The following CEP250 variants were observed in gnomAD, a reference collection of about 807,000 sequenced individuals.
The protein encoded by CEP250 is centrosomal protein 250.
CEP250 carries 242 observed loss-of-function variants against 315.7 expected under a neutral mutation model. The observed-to-expected ratio is 0.77, with a 90% CI of 0.69 to 0.85. CEP250 has a LOEUF of 0.85. CEP250 is among the 40% of genes least tolerant of loss of function. The pLI, the probability that CEP250 is intolerant of heterozygous loss-of-function variation, is 0.00. For missense variants in CEP250, 2,515 were observed against 2,886.4 expected (o/e 0.87, Z 2.95); for synonymous variants, 1,088 against 1,175.0 (o/e 0.93, Z 1.51).
chr20:35,473,893 C>G lies in CEP250; in HGVS notation c.1412C>G (p.Ala471Gly), dbSNP rs199644814. 1.7e-4 allele frequency: 280 copies of G among 1,612,916 alleles called. No homozygotes were observed. Among genetic ancestry groups the G allele is most frequent in the Non-Finnish European group, 2.3e-4 (268 of 1,179,634 alleles). ...LSKERELLQK[A>G]REELRQQLEV... The stretch of plus-strand genomic sequence containing the variant: ...AGGGAGCGAGAGCTGCTGCAGAAGG[C>G]CAGGGAAGAGCTGCGGCAGCAGCTG... The change falls in exon 14 of 35, where the codon GCC becomes GGC. Residue 471 changes from alanine to glycine, a missense_variant. By Grantham distance (60) the Ala-to-Gly change is moderately conservative. Transcript: ENST00000397527.
rs2064449370 is a variant in CEP250 at position 35,517,870 on chromosome 20, C to T, written c.*6244C>T. On this transcript the variant is annotated 3_prime_UTR_variant, in exon 35 of 35. Transcript: ENST00000397527. ...ATTGCTTGGGCTCAGGAATTCAAGACCATCCTAAGCGAAAAAATATAAAAA... is the reference window on the plus strand; with the variant it reads ...ATTGCTTGGGCTCAGGAATTCAAGATCATCCTAAGCGAAAAAATATAAAAA... 1 of 151,240 alleles carries T rather than the reference C, an allele frequency of 6.6e-6. No homozygotes were observed. The highest frequency in any genetic ancestry group is 1.5e-5 in the Non-Finnish European group (1 of 67,878). The allele number at this position is 151,240 out of a possible 1,614,324, so 9.4% of individuals were successfully genotyped here. A position where few individuals can be genotyped will look rare whatever the true frequency, so the allele number is the denominator to read the frequency against.
chr20:35,514,832 G>C lies in CEP250; in HGVS notation c.*3206G>C, dbSNP rs1467542155. 6.6e-6 allele frequency: 1 copy of C among 152,226 alleles called. No individual in the cohort carries two copies. Among genetic ancestry groups the C allele is most frequent in the Admixed American group, 6.5e-5 (1 of 15,278 alleles). The allele number at this position is 152,226 out of a possible 1,614,324, so 9.4% of individuals were successfully genotyped here. A position where few individuals can be genotyped will look rare whatever the true frequency, so the allele number is the denominator to read the frequency against. On this transcript the variant is annotated 3_prime_UTR_variant, in exon 35 of 35. Transcript: ENST00000397527. ...ACCATTGCAGTCCACACTAGGTCTGGAGGCTTCGACACCCACAGCATGTGG... is the reference window on the plus strand; with the variant it reads ...ACCATTGCAGTCCACACTAGGTCTGCAGGCTTCGACACCCACAGCATGTGG...
chr20:35,498,520 G>A, intron 26 of CEP250, 75 bp from the exon 27 acceptor site: 1 of 1,560,910 alleles, frequency 6.4e-7, no homozygotes. Context: ...GGAAGGACAG[G>A]GCTGTGTCTG....
Position 35,502,226 on chromosome 20 carries a change from G to C in CEP250, c.4021-164G>C, listed in dbSNP as rs183195324. Among the ~76,000 whole-genome samples, 18 of 152,274 alleles carry C rather than the reference G, an allele frequency of 1.2e-4. No individual in the cohort carries two copies. The East Asian group carries it at 3.3e-3, about 28-fold the overall frequency. ...ATAGCAGAGTCCTGGAAGGTGGTAG[G>C]GATGCCCTTTTACAGTATCAGCTTA... On this transcript the variant is annotated intron_variant, in intron 29 of 34. Coordinates refer to ENST00000397527, the MANE Select transcript of CEP250 (RefSeq NM_007186.6).
At chr20:35,510,137 C>G in intron 34 of CEP250, 83 bp downstream of exon 34, 1 of 1,329,654 alleles carries the variant, frequency 7.5e-7, no homozygotes, top group Non-Finnish European at 1.1e-6. Flanking sequence ...AGGGGAAGTT[C>G]CTCCCTTCAG....
At chr20:35,470,620 G>T (rs1054069469) in intron 10 of CEP250, among the ~76,000 whole-genome samples, 3 of 152,226 alleles carry the variant, frequency 2.0e-5, no homozygotes, top group Non-Finnish European at 2.9e-5. Context: ...GGTCGTGGTG[G>T]CACATGCCTA....
rs4281980 is a variant in CEP250, at chr20:35,508,752, T to C, written c.6907-191T>C. Among the ~76,000 whole-genome samples the C allele has an allele frequency of 0.32, 48,780 of 152,124 alleles. 8,701 individuals are homozygous for C. Among genetic ancestry groups the C allele is most frequent in the South Asian group, 0.5 (2,402 of 4,830 alleles). On this transcript the variant is annotated intron_variant, in intron 32 of 34. Coordinates refer to ENST00000397527, the MANE Select transcript of CEP250 (RefSeq NM_007186.6). ...AGAGGTCTGAGAGGCTGGCCCTGCC[T>C]CTTCTGCTTCAGGAGCACTTCTTTG...
At position 35,507,768 on chromosome 20, in the gene CEP250, G is replaced by C. The variant is rs2147204754; in HGVS notation, c.6667G>C (p.Glu2223Gln). ...ACTGGAGCTCACCAGACGGGCTCTG[G>C]AGAAGGAGCGGCTACACAGCCCAGG... ...DELELTRRAL[E>Q]KERLHSPGAT... The change falls in exon 31 of 35, where the codon GAG (glutamate) becomes CAG (glutamine). Residue 2223 changes from glutamate to glutamine, a missense_variant. By Grantham distance (29) the Glu-to-Gln change is conservative. Transcript: ENST00000397527. 1 of 1,558,210 alleles carries C rather than the reference G, an allele frequency of 6.4e-7. No homozygotes were observed. Among genetic ancestry groups the C allele is most frequent in the Non-Finnish European group, 8.7e-7 (1 of 1,150,580 alleles).
intron 20 of CEP250, among the ~76,000 whole-genome samples, chr20:35,483,539 A>ATT (rs879547328): frequency 2.1e-5 from 3 of 140,270 alleles, no homozygotes; most frequent in Non-Finnish European, 3.1e-5. Flanking sequence ...TTTAATTTTA[A>ATT]TTTTTTTTTT....
chr20:35,462,365 C>G lies in CEP250; in HGVS notation c.-3C>G. ...ACCTGTGGGCCTACCACCTGGTGCC[C>G]TCATGGAGACAAGAAGCCCTGGGTT... On this transcript the variant is annotated 5_prime_UTR_variant, in exon 4 of 35. Coordinates refer to ENST00000397527, the MANE Select transcript of CEP250 (RefSeq NM_007186.6). 6.3e-7 allele frequency: 1 copy of G among 1,576,922 alleles called. No homozygotes were observed. The highest frequency in any genetic ancestry group is 8.6e-7 in the Non-Finnish European group (1 of 1,159,670).
In CEP250 at chr20:35,479,696, A is replaced by C; in HGVS notation, c.2339A>C (p.Asn780Thr). Residue 780 changes from asparagine to threonine, a missense_variant, in exon 19 of 35, where the codon AAT becomes ACT. By Grantham distance (65) the Asn-to-Thr change is moderately conservative. Coordinates refer to ENST00000397527, the MANE Select transcript of CEP250 (RefSeq NM_007186.6). ...AGTCTGTTTGAAGCCCAACAACAAA[A>C]TTCTGTGATAGAGGTCACCAAGGGG... is the stretch of plus-strand genomic sequence containing the variant. ...ESSLFEAQQQ[N>T]SVIEVTKGQL... 6.2e-7 allele frequency: 1 copy of C among 1,614,138 alleles called. No homozygotes were observed. Among genetic ancestry groups the C allele is most frequent in the South Asian group, 1.1e-5 (1 of 91,074 alleles).
chr20:35,485,231 C>T (rs62210594), intron 20 of CEP250, among the ~76,000 whole-genome samples: 5 of 151,836 alleles, frequency 3.3e-5, no homozygotes, highest in African/African-American at 7.3e-5. Context: ...AAATATTAGC[C>T]GGGTGTGGTG....
intron 20 of CEP250, among the ~76,000 whole-genome samples, chr20:35,488,756 G>A (rs78191823): frequency 3.3e-4 from 51 of 152,256 alleles, no homozygotes; most frequent in Non-Finnish European, 6.0e-4. Context: ...GAACTACCAC[G>A]TCCAGCCAGA....
intron 9 of CEP250, among the ~76,000 whole-genome samples, chr20:35,469,073 G>A (rs531942524): frequency 6.6e-6 from 1 of 152,258 alleles, no homozygotes; most frequent in East Asian, 1.9e-4. Context: ...TAAGACTTTT[G>A]CTGAGTGAGG....
chr20:35,504,907 C>T lies in CEP250; in HGVS notation c.6538C>T (p.Leu2180=). ...GAAGGCCCAGGACTTGGCACTCTCC[C>T]TAGCGCAGACCAAGGCCAGTGTCAG... The part of the protein sequence containing the change: ...REKAQDLALS[L]AQTKASVSSL... Residue 2180 remains leucine, a synonymous_variant, in exon 30 of 35, where the codon CTA becomes TTA. Transcript: ENST00000397527. 6.2e-7 allele frequency: 1 copy of T among 1,614,204 alleles called. No individual in the cohort carries two copies. Among genetic ancestry groups the T allele is most frequent in the Non-Finnish European group, 8.5e-7 (1 of 1,180,036 alleles).
rs1208300562 is a variant in CEP250 at position 35,513,657 on chromosome 20, A to G, written c.*2031A>G. 3 of 152,184 alleles carry G rather than the reference A, an allele frequency of 2.0e-5. No homozygotes were observed. Among genetic ancestry groups the G allele is most frequent in the Non-Finnish European group, 4.4e-5 (3 of 68,044 alleles). The allele number at this position is 152,184 out of a possible 1,614,324, so 9.4% of individuals were successfully genotyped here. On this transcript the variant is annotated 3_prime_UTR_variant, in exon 35 of 35. Transcript: ENST00000397527. ...CCCTGGTTCTCAGGCTCGGGCTGAC[A>G]GAGGGTCCCTGTTTTTTACCTTAGA... is the stretch of plus-strand genomic sequence containing the variant.
In CEP250 at chr20:35,503,288, A is replaced by C. The variant is rs189807241; in HGVS notation, c.4919A>C (p.Glu1640Ala). 1.2e-6 allele frequency: 2 copies of C among 1,614,196 alleles called. No homozygotes were observed. Among genetic ancestry groups the C allele is most frequent in the Admixed American group, 3.3e-5 (2 of 60,026 alleles). ...GTGAAGTCTCAGCGAGAACAGATCG[A>C]GGAGCTGCAGAGGCAGAAAGAGCAT... ...QEVKSQREQI[E>A]ELQRQKEHLT... The change falls in exon 30 of 35, where the codon GAG (glutamate) becomes GCG (alanine). Residue 1640 changes from glutamate to alanine, a missense_variant. Glu to Ala is a moderately radical substitution (Grantham distance 107, BLOSUM62 -1). Coordinates refer to ENST00000397527, the MANE Select transcript of CEP250 (RefSeq NM_007186.6). This position sits in a 1 kb window ranked among gnomAD's most constrained non-coding sequence, Gnocchi z 4.2.
chr20:35,499,811 A>G lies in CEP250; in HGVS notation c.3778-238A>G, dbSNP rs111945495. ...AACTTTGAGCAGGAGCTCTGTTTCA[A>G]AAGACATAGATAGGTCAGAAGGGGA... is the stretch of plus-strand genomic sequence containing the variant. On this transcript the variant is annotated intron_variant, in intron 27 of 34. Transcript: ENST00000397527. Among the ~76,000 whole-genome samples the G allele has an allele frequency of 2.1e-3, 318 of 152,290 alleles. 4 individuals carry two copies. The highest frequency in any genetic ancestry group is 6.8e-3 in the African/African-American group (282 of 41,544).
At chr20:35,458,028 A>AT (rs549268105) in intron 1 of CEP250, among the ~76,000 whole-genome samples, 27 of 152,338 alleles carry the variant, frequency 1.8e-4, no homozygotes, top group Non-Finnish European at 3.2e-4. Flanking sequence ...TAAGAAACAA[A>AT]TTATGTCTGT....
Sources: allele counts gnomAD v4.1 joint callset (sites outside exome capture counted in the v4.1 genomes callset), GRCh38; gene constraint gnomAD v4.1.1; non-coding constraint Gnocchi (gnomAD v3.1); transcripts MANE v1.5; gene names NCBI Gene and HGNC (gene_info 2026-07-23, HGNC 2026-07-21).